ITPK1: variants seen among roughly 807,000 people sequenced by gnomAD.
ITPK1 encodes the protein inositol-tetrakisphosphate 1-kinase, also known as inositol 1,3,4-trisphosphate 5/6-kinase.
A neutral mutation model predicts 45.3 loss-of-function variants in ITPK1; 21 were observed. The ratio of observed to expected loss-of-function variants is 0.46; its 90% CI spans 0.33 to 0.67. ITPK1 has a LOEUF of 0.67. ITPK1 is among the 30% of genes least tolerant of loss of function. The probability of loss-of-function intolerance (pLI) is 0.02; values close to 1 mark genes in which losing one functional copy is unlikely to be tolerated. For missense variants in ITPK1, 474 were observed against 573.5 expected, an observed-to-expected ratio of 0.83 and a Z score of 1.77; for synonymous variants, 258 against 253.6, an observed-to-expected ratio of 1.02 and a Z score of -0.16.
chr14:92,995,905 C>T (rs1385627577), intron 4 of ITPK1, among the ~76,000 whole-genome samples: 1 of 152,226 alleles, frequency 6.6e-6, no homozygotes. Flanking sequence ...TCAGCCTCAC[C>T]CAAGCACCTA....
chr14:92,978,330 T>G (rs951607864), intron 5 of ITPK1, among the ~76,000 whole-genome samples: 11 of 151,996 alleles, frequency 7.2e-5, no homozygotes, highest in Non-Finnish European at 1.6e-4. Flanking sequence ...AAACTAGAAC[T>G]TATATTTAAA....
At chr14:92,995,241 A>G (rs1046349370) in intron 4 of ITPK1, among the ~76,000 whole-genome samples, 1 of 152,174 alleles carries the variant, frequency 6.6e-6, no homozygotes, top group African/African-American at 2.4e-5. Context: ...CAGACATGCC[A>G]GCGTGATTCC....
chr14:93,111,353 A>G (rs1038416647), intron 2 of ITPK1, among the ~76,000 whole-genome samples: 1 of 152,192 alleles, frequency 6.6e-6, no homozygotes, highest in Non-Finnish European at 1.5e-5. Context: ...AATTAAATTA[A>G]TATCACCCAG....
intron 5 of ITPK1, among the ~76,000 whole-genome samples, chr14:92,992,010 T>C (rs569030515): frequency 2.0e-5 from 3 of 152,172 alleles, no homozygotes; most frequent in Non-Finnish European, 4.4e-5. Flanking sequence ...AGAACTCAAA[T>C]GACTGATTTG....
chr14:92,965,407 G>C (rs940320380), intron 5 of ITPK1, among the ~76,000 whole-genome samples: 3 of 152,196 alleles, frequency 2.0e-5, no homozygotes, highest in African/African-American at 7.2e-5. Flanking sequence ...TGAAAGACTA[G>C]ACACTTCCCC....
At position 93,115,018 on chromosome 14, in the gene ITPK1, A is replaced by ACCGGGCTCGGGCCGGGGGTCC. The variant is rs752199218; in HGVS notation, c.95+30_95+50dup. The ACCGGGCTCGGGCCGGGGGTCC allele has an allele frequency of 5.4e-5, 62 of 1,148,998 alleles. No homozygotes were observed. In the African/African-American group the frequency reaches 6.7e-4, roughly 12 times the overall value. The allele number at this position is 1,148,998 out of a possible 1,614,324, so 71.2% of individuals were successfully genotyped here. ...CTGCACCGGGCTCGGGCCGGGGGTC[A>ACCGGGCTCGGGCCGGGGGTCC]CCGGGCTCGGGCCGGGGGTCCCCGG... On this transcript the variant is annotated intron_variant, in intron 2 of 10. Coordinates refer to ENST00000267615, the MANE Select transcript of ITPK1 (RefSeq NM_014216.6).
At chr14:93,011,414 G>A (rs1887899175) in intron 4 of ITPK1, among the ~76,000 whole-genome samples, 1 of 152,240 alleles carries the variant, frequency 6.6e-6, no homozygotes, top group African/African-American at 2.4e-5. Flanking sequence ...CCCTCAGGAG[G>A]ATGGTGGGGT....
chr14:93,090,566 A>C lies in ITPK1; in HGVS notation c.96-13947T>G, dbSNP rs559105196. On this transcript the variant is annotated intron_variant, in intron 2 of 10. Transcript: ENST00000267615. ...TGGAGAAACCCTACTTGTCAGGATC[A>C]GAGCTCAAGATAGAGAGGAATGAGC... is the stretch of plus-strand genomic sequence containing the variant. 9.2e-5 allele frequency among the ~76,000 whole-genome samples: 14 copies of C among 152,284 alleles called. No individual in the cohort carries two copies. In the South Asian group the frequency reaches 1.2e-3, roughly 14 times the overall value.
chr14:92,984,130 A>G (rs1046363624), intron 5 of ITPK1, among the ~76,000 whole-genome samples: 3 of 152,248 alleles, frequency 2.0e-5, no homozygotes, highest in Admixed American at 6.5e-5. Context: ...AGGGTCTAGA[A>G]AGATAAGTTC....
At chr14:92,952,523 T>A (rs936765241) in intron 8 of ITPK1, among the ~76,000 whole-genome samples, 5 of 151,972 alleles carry the variant, frequency 3.3e-5, no homozygotes, top group Admixed American at 6.6e-5. Context: ...GTTCTGGTGG[T>A]TCTTAGCGAC....
At chr14:92,959,709 TAA>T (rs869110637) in intron 7 of ITPK1, among the ~76,000 whole-genome samples, 4 of 141,946 alleles carry the variant, frequency 2.8e-5, no homozygotes, top group African/African-American at 1.0e-4. Flanking sequence ...AGTTATAGCT[TAA>T]AAAAAAAAAA....
intron 2 of ITPK1, among the ~76,000 whole-genome samples, chr14:93,098,468 A>G (rs1042973383): frequency 5.3e-5 from 8 of 150,924 alleles, no homozygotes; most frequent in Non-Finnish European, 1.2e-4. Context: ...AAAAAAAAAA[A>G]CACACAAAAA....
intron 5 of ITPK1, among the ~76,000 whole-genome samples, chr14:92,981,058 A>G (rs1886205343): frequency 6.6e-6 from 1 of 152,066 alleles, no homozygotes; most frequent in South Asian, 2.1e-4. Context: ...CCACCCTTGG[A>G]GCCCCCCAGC....
intron 5 of ITPK1, among the ~76,000 whole-genome samples, chr14:92,981,017 GT>G (rs1448190678): frequency 6.6e-6 from 1 of 152,162 alleles, no homozygotes; most frequent in African/African-American, 2.4e-5. Flanking sequence ...CTCTCTTGTA[GT>G]TTTTCTTGGC....
chr14:93,104,964 G>C (rs1160945067), intron 2 of ITPK1, among the ~76,000 whole-genome samples: 1 of 152,234 alleles, frequency 6.6e-6, no homozygotes, highest in Non-Finnish European at 1.5e-5. Flanking sequence ...TATCTGGCCA[G>C]ATCGGTCCCA....
At chr14:93,111,710 CAAAA>C (rs34085009) in intron 2 of ITPK1, among the ~76,000 whole-genome samples, 1 of 76,740 alleles carries the variant, frequency 1.3e-5, no homozygotes, top group African/African-American at 5.2e-5. Context: ...GACTCCACCT[CAAAA>C]AAAAAAAAAA....
intron 3 of ITPK1, among the ~76,000 whole-genome samples, chr14:93,019,958 C>T (rs552348625): frequency 5.3e-5 from 8 of 152,200 alleles, no homozygotes; most frequent in African/African-American, 1.7e-4. Flanking sequence ...CCTCAGAGGA[C>T]GGGGTCTGGT....
chr14:93,107,265 G>C (rs1372985138), intron 2 of ITPK1, among the ~76,000 whole-genome samples: 1 of 152,156 alleles, frequency 6.6e-6, no homozygotes, highest in Non-Finnish European at 1.5e-5. Flanking sequence ...GCCACTAACA[G>C]ATTCTTTTTT....
At chr14:93,023,589 G>A (rs1266198792) in intron 3 of ITPK1, among the ~76,000 whole-genome samples, 1 of 152,176 alleles carries the variant, frequency 6.6e-6, no homozygotes, top group African/African-American at 2.4e-5. Flanking sequence ...AACAAAGGAA[G>A]GATGGAAGGG....
Sources: allele counts gnomAD v4.1 joint callset (sites outside exome capture counted in the v4.1 genomes callset), GRCh38; gene constraint gnomAD v4.1.1; transcripts MANE v1.5; gene names NCBI Gene and HGNC (gene_info 2026-07-23, HGNC 2026-07-21).